Variants in TRDN observed in about 807,000 individuals in gnomAD.
TRDN encodes the protein triadin in skeletal muscle.
Under a neutral mutation model 149.7 loss-of-function variants are expected in TRDN, and 161 were observed. The ratio of observed to expected loss-of-function variants is 1.08; its 90% CI spans 0.95 to 1.23. The LOEUF (loss-of-function observed/expected upper bound fraction) is 1.23, where lower values mean the gene tolerates loss of function less well. Among genes scored for constraint, TRDN ranks in the 50% most tolerant of loss-of-function variants. TRDN has a pLI of 0.00. For missense variants in TRDN, 896 were observed against 823.5 expected (o/e 1.09, Z -1.08); for synonymous variants, 294 against 250.5 (o/e 1.17, Z -1.64).
intron 21 of TRDN, chr6:123,349,645 T>G (rs2114286575): frequency 1.1e-6 from 1 of 942,690 alleles, no homozygotes; most frequent in Non-Finnish European, 1.3e-6. Context: ...GTTTCTGTCT[T>G]TTTTTATAAC....
At chr6:123,442,366 AC>A (rs1483577186) in intron 10 of TRDN, 1 of 112,836 alleles carries the variant, frequency 8.9e-6, no homozygotes, top group Admixed American at 8.3e-5. Flanking sequence ...ACACGGTGAA[AC>A]CCCGTCTCTA....
chr6:123,503,943 A>G, intron 7 of TRDN, 42 bp from the exon 8 acceptor site: 1 of 1,508,758 alleles, frequency 6.6e-7, no homozygotes, highest in Non-Finnish European at 8.8e-7. Flanking sequence ...TTGTTTATTT[A>G]CAAACATAAT....
In TRDN at chr6:123,615,712, C is replaced by T. The variant is rs117351390; in HGVS notation, c.22+21042G>A. Reference sequence around the variant, plus strand: ...AAGCTATAAAAGTTGATCTCATAGACGTAGAGAGTAGAATAGTGGTTACTA... The same window carrying T: ...AAGCTATAAAAGTTGATCTCATAGATGTAGAGAGTAGAATAGTGGTTACTA... On this transcript the variant is annotated intron_variant, in intron 1 of 40. Coordinates refer to ENST00000334268, the MANE Select transcript of TRDN (RefSeq NM_006073.4). Among the ~76,000 whole-genome samples the T allele has an allele frequency of 5.7e-3, 874 of 152,070 alleles. 2 individuals are homozygous for T. Among genetic ancestry groups the T allele is most frequent in the Non-Finnish European group, 0.01 (688 of 67,996 alleles).
At chr6:123,442,460 G>A (rs1774966994) in intron 10 of TRDN, 1 of 131,046 alleles carries the variant, frequency 7.6e-6, no homozygotes, top group Non-Finnish European at 1.6e-5. Context: ...GCAGGAGAAT[G>A]GCGTGAACCC....
chr6:123,493,531 A>G (rs1456591712), intron 9 of TRDN, among the ~76,000 whole-genome samples: 2 of 152,202 alleles, frequency 1.3e-5, no homozygotes, highest in African/African-American at 2.4e-5. Flanking sequence ...AGCGTTTTCA[A>G]ATTAGAACTG....
intron 1 of TRDN, among the ~76,000 whole-genome samples, chr6:123,616,645 T>A (rs1785099632): frequency 6.6e-6 from 1 of 152,188 alleles, no homozygotes; most frequent in Admixed American, 6.5e-5. Flanking sequence ...ATATTTTCTT[T>A]TAATACTCCT....
At chr6:123,400,167 G>GTGTATATATATATATATA (rs1554232309) in intron 12 of TRDN, among the ~76,000 whole-genome samples, 13 of 123,378 alleles carry the variant, frequency 1.1e-4, no homozygotes, top group East Asian at 2.3e-4. Context: ...ATATGTATGT[G>GTGTATATATATATATATA]TATATATATA....
At position 123,265,342 on chromosome 6, in the gene TRDN, A is replaced by G. The variant is rs1367816998; in HGVS notation, c.1784-4T>C. 8 of 1,421,394 alleles carry G rather than the reference A, an allele frequency of 5.6e-6. No homozygotes were observed. Among genetic ancestry groups the G allele is most frequent in the African/African-American group, 1.5e-5 (1 of 68,090 alleles). The allele number at this position is 1,421,394 out of a possible 1,614,324, so 88.0% of individuals were successfully genotyped here. A position where few individuals can be genotyped will look rare whatever the true frequency, so the allele number is the denominator to read the frequency against. ...CTTGGAGTTGGTTTTGGTTTGTCTA[A>G]AAAGGAAAAAAGAAAAAAAAAGAAA... On this transcript the variant is annotated splice_polypyrimidine_tract_variant and splice_region_variant and intron_variant, in intron 32 of 40. Coordinates refer to ENST00000334268, the MANE Select transcript of TRDN (RefSeq NM_006073.4).
intron 12 of TRDN, among the ~76,000 whole-genome samples, chr6:123,399,922 C>T (rs779452637): frequency 2.6e-5 from 4 of 151,976 alleles, no homozygotes; most frequent in Non-Finnish European, 5.9e-5. Context: ...GAGAAGAATA[C>T]ACTTTCTAGA....
chr6:123,569,178 A>T (rs2114530457), intron 2 of TRDN, among the ~76,000 whole-genome samples: 1 of 152,338 alleles, frequency 6.6e-6, no homozygotes, highest in East Asian at 1.9e-4. Context: ...TCCCTAGGGC[A>T]TGAAAAGAAT....
intron 13 of TRDN, among the ~76,000 whole-genome samples, chr6:123,391,824 C>T (rs1277363103): frequency 1.3e-5 from 2 of 152,016 alleles, no homozygotes; most frequent in Non-Finnish European, 2.9e-5. Flanking sequence ...TCACTTTATA[C>T]TTCAAAAAAT....
rs115252170 is a variant in TRDN at position 123,458,655 on chromosome 6, T to C, written c.931+6251A>G. 6.1e-3 allele frequency among the ~76,000 whole-genome samples: 934 copies of C among 152,302 alleles called. 13 individuals carry two copies. The highest frequency in any genetic ancestry group is 0.021 in the African/African-American group (877 of 41,574). ...TAGAGAGATAGATGTCTCCTACTGGTTTTGTTTCTCTGGAGAATGCTGACT... is the reference window on the plus strand; with the variant it reads ...TAGAGAGATAGATGTCTCCTACTGGCTTTGTTTCTCTGGAGAATGCTGACT... On this transcript the variant is annotated intron_variant, in intron 10 of 40. Transcript: ENST00000334268.
intron 21 of TRDN, chr6:123,351,806 G>A (rs554165472): frequency 1.1e-6 from 1 of 905,530 alleles, no homozygotes; most frequent in African/African-American, 1.8e-5. Flanking sequence ...AATAAATATA[G>A]TATTATTATA....
intron 2 of TRDN, among the ~76,000 whole-genome samples, chr6:123,569,026 C>A (rs942271543): frequency 1.3e-5 from 2 of 152,182 alleles, no homozygotes; most frequent in Non-Finnish European, 2.9e-5. Context: ...AAGATAAGTT[C>A]CACTTTAAGT....
intron 12 of TRDN, among the ~76,000 whole-genome samples, chr6:123,424,311 T>C (rs1256120261): frequency 6.6e-6 from 1 of 152,146 alleles, no homozygotes; most frequent in Non-Finnish European, 1.5e-5. Context: ...CTGGCCTACT[T>C]CTTCCACAAT....
chr6:123,567,068 T>C (rs1782330697), intron 2 of TRDN, among the ~76,000 whole-genome samples: 1 of 152,214 alleles, frequency 6.6e-6, no homozygotes, highest in African/African-American at 2.4e-5. Context: ...GCAATGCCTA[T>C]GTTACTGGCA....
At chr6:123,444,499 G>A (rs1025293028) in intron 10 of TRDN, among the ~76,000 whole-genome samples, 2 of 150,620 alleles carry the variant, frequency 1.3e-5, no homozygotes, top group Non-Finnish European at 2.9e-5. Flanking sequence ...TTTCCTAATT[G>A]AATACCATTT....
At chr6:123,510,375 G>C (rs1272613235) in intron 7 of TRDN, 2 of 151,964 alleles carry the variant, frequency 1.3e-5, no homozygotes, top group Non-Finnish European at 2.9e-5. Context: ...ATACTGAATT[G>C]AGGCTTCTAG....
intron 5 of TRDN, among the ~76,000 whole-genome samples, chr6:123,518,526 C>T (rs893945737): frequency 1.3e-5 from 2 of 152,108 alleles, no homozygotes; most frequent in Non-Finnish European, 2.9e-5. Context: ...GAGGACTCAC[C>T]CACCTTGGAC....
Sources: gnomAD v4.1 joint callset for allele counts (sites outside exome capture counted in the v4.1 genomes callset) on GRCh38, gnomAD v4.1.1 for gene constraint, MANE v1.5 for transcripts, NCBI Gene and HGNC (gene_info 2026-07-23, HGNC 2026-07-21) for gene names.